CARMIL1: variants seen among roughly 807,000 people sequenced by gnomAD.
The protein encoded by CARMIL1 is F-actin-uncapping protein LRRC16A.
A neutral mutation model predicts 177.1 loss-of-function variants in CARMIL1; 90 were observed. That is an observed-to-expected ratio of 0.51 (90% CI 0.43 to 0.61). CARMIL1 has a LOEUF of 0.61. CARMIL1 is among the 20% of genes least tolerant of loss of function. The probability of loss-of-function intolerance (pLI) is 0.00; values close to 1 mark genes in which losing one functional copy is unlikely to be tolerated. For missense variants in CARMIL1, 1,380 were observed against 1,667.0 expected, an observed-to-expected ratio of 0.83 and a Z score of 3.00; for synonymous variants, 577 against 606.2, an observed-to-expected ratio of 0.95 and a Z score of 0.71.
chr6:25,542,738 G>A (rs1335979481), intron 26 of CARMIL1, among the ~76,000 whole-genome samples: 1 of 151,866 alleles, frequency 6.6e-6, no homozygotes, highest in East Asian at 1.9e-4. Context: ...TACTTATAAT[G>A]GACTTCCTTA....
At chr6:25,580,365 A>T (rs1261431026) in intron 29 of CARMIL1, among the ~76,000 whole-genome samples, 1 of 152,184 alleles carries the variant, frequency 6.6e-6, no homozygotes, top group Non-Finnish European at 1.5e-5. Flanking sequence ...TTTTTAGAAG[A>T]TTAACAGGAT....
In CARMIL1 at chr6:25,600,668, T is replaced by C. The variant is rs1267735989; in HGVS notation, c.3474T>C (p.Tyr1158=). 2 of 1,611,104 alleles carry C rather than the reference T, an allele frequency of 1.2e-6. No homozygotes were observed. Among genetic ancestry groups the C allele is most frequent in the Non-Finnish European group, 1.7e-6 (2 of 1,178,584 alleles). The change falls in exon 33 of 37, where the codon TAT becomes TAC. Residue 1158 remains tyrosine (Y), a synonymous_variant. Transcript: ENST00000329474. ...SKSSPQAGRR[Y]GVQVMGSGLL... The stretch of plus-strand genomic sequence containing the variant: ...GCAGCCCACAGGCAGGGCGGAGGTA[T>C]GGGGTCCAGGTGATGGGCAGTGGTC...
chr6:25,537,540 G>T (rs1273390119), intron 24 of CARMIL1, among the ~76,000 whole-genome samples: 2 of 152,186 alleles, frequency 1.3e-5, no homozygotes, highest in Non-Finnish European at 2.9e-5. Context: ...GTCACTGAGT[G>T]AGGTTCTGAA....
intron 2 of CARMIL1, among the ~76,000 whole-genome samples, chr6:25,353,150 C>T (rs565941115): frequency 2.6e-5 from 4 of 152,178 alleles, no homozygotes; most frequent in African/African-American, 9.7e-5. Flanking sequence ...TGATAGATGA[C>T]CCCTCTTCGT....
intron 29 of CARMIL1, among the ~76,000 whole-genome samples, chr6:25,575,512 CTT>C (rs1195155624): frequency 1.3e-5 from 2 of 152,090 alleles, no homozygotes; most frequent in Non-Finnish European, 2.9e-5. Context: ...AGCTGTAACT[CTT>C]TTATGTATGT....
intron 2 of CARMIL1, among the ~76,000 whole-genome samples, chr6:25,334,977 G>A (rs1206943087): frequency 1.3e-5 from 2 of 152,066 alleles, no homozygotes; most frequent in Non-Finnish European, 2.9e-5. Context: ...CTTTGCTACC[G>A]TCCTTGGAAA....
At chr6:25,584,676 G>T (rs1003388065) in intron 31 of CARMIL1, among the ~76,000 whole-genome samples, 11 of 152,132 alleles carry the variant, frequency 7.2e-5, no homozygotes, top group African/African-American at 2.7e-4. Flanking sequence ...GTAATAAACT[G>T]GGGCACTTAG....
At chr6:25,462,473 A>G (rs967718840) in intron 8 of CARMIL1, among the ~76,000 whole-genome samples, 50 of 152,304 alleles carry the variant, frequency 3.3e-4, no homozygotes, top group African/African-American at 1.2e-3. Flanking sequence ...GTGCCAGGCC[A>G]TCAGGGCAGG....
In CARMIL1 at chr6:25,279,801, C is replaced by G. The variant is rs1780925256; in HGVS notation, c.6C>G (p.Thr2=). The G allele has an allele frequency of 1.2e-6, 2 of 1,613,950 alleles. No homozygotes were observed. The highest frequency in any genetic ancestry group is 1.7e-6 in the Non-Finnish European group (2 of 1,179,876). ...CCCACACCTACAGGGCAACCATGAC[C>G]GAGGAGAGCTCTGACGTTCCCAGGG... is the stretch of plus-strand genomic sequence containing the variant. The part of the protein sequence containing the change: M[T]EESSDVPREL... Residue 2 remains threonine, a synonymous_variant, in exon 1 of 37, where the codon ACC becomes ACG. Transcript: ENST00000329474.
intron 24 of CARMIL1, among the ~76,000 whole-genome samples, chr6:25,531,337 A>T (rs28480419): frequency 8.0e-6 from 1 of 124,722 alleles, no homozygotes; most frequent in Non-Finnish European, 1.7e-5. Context: ...CTTCTTTGAA[A>T]GAAAGATGTC....
Position 25,281,136 on chromosome 6 carries a change from G to GCGCACACACA in CARMIL1, c.40+1302_40+1303insGCACACACAC, listed in dbSNP as rs10642536. On this transcript the variant is annotated intron_variant, in intron 1 of 36. Transcript: ENST00000329474. ...CAGACGCACGCGCGTGTGCGCGCGC[G>GCGCACACACA]CACACACACACACACACACACACAC... is the stretch of plus-strand genomic sequence containing the variant. Among the ~76,000 whole-genome samples, 179 of 132,186 alleles carry GCGCACACACA rather than the reference G, an allele frequency of 1.4e-3. 1 individual carries two copies. The highest frequency in any genetic ancestry group is 1.8e-3 in the African/African-American group (60 of 33,792). The allele number at this position is 132,186 out of a possible 152,430, so 86.7% of individuals were successfully genotyped here.
chr6:25,459,265 T>TCTTTTCTTTCTTTC (rs1799874158), intron 8 of CARMIL1, among the ~76,000 whole-genome samples: 1 of 115,294 alleles, frequency 8.7e-6, no homozygotes, highest in Admixed American at 9.6e-5. Context: ...TTTCTTTCTT[T>TCTTTTCTTTCTTTC]CTTTTTTTTT....
chr6:25,472,427 A>G lies in CARMIL1; in HGVS notation c.780A>G (p.Thr260=). ...ATCTTATTGTTTTGTTTACACGCAG[A>G]GATTTTGCACAAAAACTGGCCAGTG... ...ELVLENAGLR[T]DFAQKLASAL... is the part of the protein sequence containing the mutation. Residue 260 remains threonine (T), a splice_region_variant and synonymous_variant, in exon 11 of 37, where the codon ACA becomes ACG. Coordinates refer to ENST00000329474, the MANE Select transcript of CARMIL1 (RefSeq NM_017640.6). 1.3e-6 allele frequency: 2 copies of G among 1,565,418 alleles called. No individual in the cohort carries two copies. The highest frequency in any genetic ancestry group is 1.7e-6 in the Non-Finnish European group (2 of 1,152,884).
chr6:25,310,063 G>T (rs2744298), intron 2 of CARMIL1, among the ~76,000 whole-genome samples: 7 of 151,864 alleles, frequency 4.6e-5, no homozygotes, highest in Non-Finnish European at 8.8e-5. Flanking sequence ...CCACCCCGCC[G>T]GGCCACATCT....
At chr6:25,604,512 G>C (rs1815745971) in intron 33 of CARMIL1, among the ~76,000 whole-genome samples, 1 of 152,076 alleles carries the variant, frequency 6.6e-6, no homozygotes, top group South Asian at 2.1e-4. Context: ...AACAGTAAAG[G>C]TCACCAAGCC....
intron 2 of CARMIL1, among the ~76,000 whole-genome samples, chr6:25,298,613 A>T (rs981508313): frequency 4.9e-5 from 7 of 144,200 alleles, no homozygotes; most frequent in African/African-American, 1.9e-4. Context: ...TTCACTTCCC[A>T]GTTACTTAGA....
intron 8 of CARMIL1, among the ~76,000 whole-genome samples, chr6:25,458,329 A>T (rs1327328424): frequency 6.6e-6 from 1 of 152,102 alleles, no homozygotes; most frequent in Non-Finnish European, 1.5e-5. Flanking sequence ...TCCACTAAAA[A>T]TACAAAAAAT....
In CARMIL1 at chr6:25,326,899, A is replaced by G. The variant is rs1248603861; in HGVS notation, c.138+41990A>G. On this transcript the variant is annotated intron_variant, in intron 2 of 36. Transcript: ENST00000329474. The surrounding 1 kb of genome is among the most constrained non-coding windows in gnomAD (Gnocchi z 4.2). The stretch of plus-strand genomic sequence containing the variant: ...AGTGGCATGATCTTGGCTCACTGCA[A>G]CCTGATAAGGACCTTGTTTATTGTG... Among the ~76,000 whole-genome samples the G allele has an allele frequency of 2.0e-5, 3 of 152,094 alleles. No homozygotes were observed. Among genetic ancestry groups the G allele is most frequent in the Non-Finnish European group, 4.4e-5 (3 of 68,022 alleles).
chr6:25,347,615 G>C (rs1272805652), intron 2 of CARMIL1, among the ~76,000 whole-genome samples: 1 of 152,094 alleles, frequency 6.6e-6, no homozygotes, highest in Non-Finnish European at 1.5e-5. Flanking sequence ...CATTTTACTT[G>C]GAAATTATTT....
Sources: allele counts gnomAD v4.1 joint callset (sites outside exome capture counted in the v4.1 genomes callset), GRCh38; gene constraint gnomAD v4.1.1; non-coding constraint Gnocchi (gnomAD v3.1); transcripts MANE v1.5; gene names NCBI Gene and HGNC (gene_info 2026-07-23, HGNC 2026-07-21).